Variants in CEPT1 observed in about 807,000 individuals in gnomAD.
CEPT1 encodes choline/ethanolamine phosphotransferase 1.
A neutral mutation model predicts 42.6 loss-of-function variants in CEPT1; 7 were observed. The ratio of observed to expected loss-of-function variants is 0.16; its 90% CI spans 0.09 to 0.31. The LOEUF is 0.31. Ranked by LOEUF, CEPT1 falls within the 10% of genes least tolerant of loss-of-function variation. The probability of loss-of-function intolerance (pLI) is 1.00; values close to 1 mark genes in which losing one functional copy is unlikely to be tolerated. For synonymous variants in CEPT1, 171 were observed against 171.9 expected, an observed-to-expected ratio of 0.99 and a Z score of 0.04; for missense variants, 306 against 502.1, an observed-to-expected ratio of 0.61 and a Z score of 3.73.
Position 111,184,186 on chromosome 1 carries a change from T to A in CEPT1, c.1132-5T>A, listed in dbSNP as rs748641293. The stretch of plus-strand genomic sequence containing the variant: ...GGGTGCTGAGAATGTCTCTTTTCTT[T>A]CCAGGTTTTCTCTTTCTTTGATTTG... On this transcript the variant is annotated splice_region_variant and splice_polypyrimidine_tract_variant and intron_variant, in intron 8 of 8. Coordinates refer to ENST00000357172, the MANE Select transcript of CEPT1 (RefSeq NM_006090.5). 6.2e-7 allele frequency: 1 copy of A among 1,613,274 alleles called. No homozygotes were observed. The highest frequency in any genetic ancestry group is 2.2e-5 in the East Asian group (1 of 44,848).
chr1:111,166,199 TA>T (rs1656137608), intron 4 of CEPT1, among the ~76,000 whole-genome samples: 1 of 152,240 alleles, frequency 6.6e-6, no homozygotes, highest in South Asian at 2.1e-4. Context: ...TGTATTAATG[TA>T]AAACCTAGAT....
Position 111,147,984 on chromosome 1 carries a change from C to T in CEPT1, c.270C>T (p.Ile90=). ...PSWIAPNLIT[I]IGLSINICTT... is the part of the protein sequence containing the mutation. ...GGATTGCCCCAAATCTCATCACCAT[C>T]ATTGGACTGTCAATAAACATCTGTA... The change falls in exon 2 of 9, where the codon ATC becomes ATT. Residue 90 remains isoleucine, a synonymous_variant. Coordinates refer to ENST00000357172, the MANE Select transcript of CEPT1 (RefSeq NM_006090.5). 2 of 1,614,176 alleles carry T rather than the reference C, an allele frequency of 1.2e-6. No homozygotes were observed. Among genetic ancestry groups the T allele is most frequent in the Non-Finnish European group, 1.7e-6 (2 of 1,180,012 alleles).
chr1:111,167,933 C>T (rs1656217996), intron 4 of CEPT1: 2 of 441,992 alleles, frequency 4.5e-6, no homozygotes, highest in African/African-American at 4.3e-5. Context: ...CATTTTGTCA[C>T]CCAGGCAGGA....
At chr1:111,141,526 C>G (rs573670885) in intron 1 of CEPT1, among the ~76,000 whole-genome samples, 11 of 152,042 alleles carry the variant, frequency 7.2e-5, no homozygotes, top group Non-Finnish European at 1.0e-4. Context: ...TTTTGAGGGT[C>G]ATGCTGTGTT....
intron 4 of CEPT1, 127 bp downstream of exon 4, chr1:111,161,423 T>C: frequency 1.2e-6 from 1 of 845,984 alleles, no homozygotes; most frequent in Non-Finnish European, 1.8e-6. Flanking sequence ...AAATTTATGC[T>C]TCATTATTAT....
At chr1:111,171,599 CA>C (rs1656415161) in intron 4 of CEPT1, among the ~76,000 whole-genome samples, 2 of 152,288 alleles carry the variant, frequency 1.3e-5, no homozygotes, top group Admixed American at 6.5e-5. Flanking sequence ...GCCATCAAAA[CA>C]GTGTTTGTTT....
At chr1:111,168,655 A>AT (rs1656262306) in intron 4 of CEPT1, among the ~76,000 whole-genome samples, 2 of 151,850 alleles carry the variant, frequency 1.3e-5, no homozygotes, top group Non-Finnish European at 1.5e-5. Flanking sequence ...TGCCCAGCTA[A>AT]TTTTTTGTAT....
At chr1:111,174,740 C>T in intron 4 of CEPT1, 139 bp from the exon 5 acceptor site, 1 of 506,810 alleles carries the variant, frequency 2.0e-6, no homozygotes. Context: ...ATTTTTGATG[C>T]CTCCTTTTCC....
At chr1:111,154,657 T>TGCC (rs1571124229) in intron 2 of CEPT1, among the ~76,000 whole-genome samples, 1 of 152,190 alleles carries the variant, frequency 6.6e-6, no homozygotes, top group East Asian at 1.9e-4. Context: ...TGAGGTATGT[T>TGCC]TCTTGTATGC....
intron 1 of CEPT1, 35 bp from the exon 2 acceptor site, chr1:111,147,607 G>C: frequency 1.4e-6 from 1 of 731,358 alleles, no homozygotes; most frequent in Non-Finnish European, 2.1e-6. Context: ...GCCAACAAGT[G>C]TATTTTTTAA....
At chr1:111,163,118 A>G (rs535348485) in intron 4 of CEPT1, among the ~76,000 whole-genome samples, 2 of 152,296 alleles carry the variant, frequency 1.3e-5, no homozygotes, top group Admixed American at 6.5e-5. Context: ...AAACTCTGCC[A>G]CTGACACTAG....
At chr1:111,179,700 C>T (rs1656875871) in intron 5 of CEPT1, 1 of 152,122 alleles carries the variant, frequency 6.6e-6, no homozygotes, top group Admixed American at 6.5e-5. Flanking sequence ...CTTGGTAGCT[C>T]ACTTTCTTTT....
chr1:111,154,881 G>A (rs774084093), intron 2 of CEPT1, among the ~76,000 whole-genome samples: 17 of 152,230 alleles, frequency 1.1e-4, no homozygotes, highest in Middle Eastern at 3.4e-3. Flanking sequence ...CGTTGGATTT[G>A]GTTTGCTAGT....
At chr1:111,159,678 G>T in intron 3 of CEPT1, 151 bp downstream of exon 3, 1 of 545,784 alleles carries the variant, frequency 1.8e-6, no homozygotes, top group Non-Finnish European at 3.0e-6. Flanking sequence ...GTTAATATTT[G>T]TTCATTATTG....
chr1:111,183,397 A>T, intron 7 of CEPT1, 65 bp from the exon 8 acceptor site: 1 of 1,543,896 alleles, frequency 6.5e-7, no homozygotes, highest in Non-Finnish European at 8.9e-7. Flanking sequence ...GCACAATATG[A>T]TTTACTGTGT....
At chr1:111,151,385 G>GTGGCCACCC (rs1655269052) in intron 2 of CEPT1, among the ~76,000 whole-genome samples, 1 of 152,176 alleles carries the variant, frequency 6.6e-6, no homozygotes. Context: ...GCCTCCCAGA[G>GTGGCCACCC]TGCTGGGATT....
At chr1:111,176,046 C>G (rs566423421) in intron 5 of CEPT1, among the ~76,000 whole-genome samples, 3 of 152,130 alleles carry the variant, frequency 2.0e-5, no homozygotes, top group African/African-American at 7.2e-5. Context: ...GTAATTGATA[C>G]ACTACCCACA....
chr1:111,175,214 C>T (rs1656618002), intron 5 of CEPT1, among the ~76,000 whole-genome samples: 1 of 152,078 alleles, frequency 6.6e-6, no homozygotes, highest in Admixed American at 6.6e-5. Flanking sequence ...TCCCATTTTA[C>T]AGATGAGGAA....
chr1:111,155,983 G>A (rs1479019171), intron 2 of CEPT1, among the ~76,000 whole-genome samples: 2 of 152,060 alleles, frequency 1.3e-5, no homozygotes, highest in Non-Finnish European at 2.9e-5. Flanking sequence ...TCTTTGAGGT[G>A]CATTATTACG....
Sources: gnomAD v4.1 joint callset for allele counts (sites outside exome capture counted in the v4.1 genomes callset) on GRCh38, gnomAD v4.1.1 for gene constraint, MANE v1.5 for transcripts, NCBI Gene and HGNC (gene_info 2026-07-23, HGNC 2026-07-21) for gene names.